The following ZNF765 variants were observed in gnomAD, a reference collection of about 807,000 sequenced individuals.
ZNF765 encodes the protein zinc finger protein 765.
In ZNF765, 37 loss-of-function variants were observed where a neutral mutation model predicts 44.7. That is an observed-to-expected ratio of 0.83 (90% CI 0.64 to 1.09). The LOEUF (loss-of-function observed/expected upper bound fraction) is 1.09. ZNF765 is among the 50% of genes least tolerant of loss of function. The pLI, the probability that ZNF765 is intolerant of heterozygous loss-of-function variation, is 0.00. For missense variants in ZNF765, 594 were observed against 626.1 expected, an observed-to-expected ratio of 0.95 and a Z score of 0.55; for synonymous variants, 201 against 213.7, an observed-to-expected ratio of 0.94 and a Z score of 0.52.
chr19:53,399,248 C>T lies in ZNF765; in HGVS notation c.15+1218C>T, dbSNP rs958180688. Among the ~76,000 whole-genome samples, 79 of 133,948 alleles carry T rather than the reference C, an allele frequency of 5.9e-4. 1 individual carries two copies. The highest frequency in any genetic ancestry group is 7.5e-4 in the Non-Finnish European group (48 of 63,998). The allele number at this position is 133,948 out of a possible 152,430, so 87.9% of individuals were successfully genotyped here. A position where few individuals can be genotyped will look rare whatever the true frequency, so the allele number is the denominator to read the frequency against. On this transcript the variant is annotated intron_variant, in intron 2 of 3. Transcript: ENST00000396408. Reference sequence around the variant, plus strand: ...TATCCCTCCCCCCTCCCCCACCCCACAACAGTCCCCAAAATATATATTTTT... The same window carrying T: ...TATCCCTCCCCCCTCCCCCACCCCATAACAGTCCCCAAAATATATATTTTT...
downstream of ZNF765, among the ~76,000 whole-genome samples, chr19:53,415,817 A>G (rs1021378999): frequency 7.9e-5 from 12 of 152,184 alleles, no homozygotes; most frequent in Admixed American, 1.3e-4. Context: ...TTTTCAAAAT[A>G]CAGCATGTGA....
Position 53,409,136 on chromosome 19 carries a change from G to T in ZNF765, c.*9G>T, listed in dbSNP as rs1568782232. 4 of 1,605,356 alleles carry T rather than the reference G, an allele frequency of 2.5e-6. No homozygotes were observed. In the South Asian group the frequency reaches 4.4e-5, roughly 18 times the overall value. ...AGAAACTACACGTGTAATGAGTGTGGTAAGACCTTCAATCAGGAGTTAACC... is the reference window on the plus strand; with the variant it reads ...AGAAACTACACGTGTAATGAGTGTGTTAAGACCTTCAATCAGGAGTTAACC... On this transcript the variant is annotated 3_prime_UTR_variant, in exon 4 of 4. Transcript: ENST00000396408.
chr19:53,407,604 A>C, intron 3 of ZNF765, 94 bp from the exon 4 acceptor site: 1 of 984,818 alleles, frequency 1.0e-6, no homozygotes, highest in Non-Finnish European at 1.4e-6. Flanking sequence ...GCAAAGTTTA[A>C]AATAAGTATT....
At position 53,401,048 on chromosome 19, in the gene ZNF765, TG is replaced by T. The variant is rs751327028; in HGVS notation, c.16-1016del. 3.3e-3 allele frequency among the ~76,000 whole-genome samples: 495 copies of T among 151,676 alleles called. 2 individuals are homozygous for T. The highest frequency in any genetic ancestry group is 6.0e-3 in the Non-Finnish European group (408 of 67,922). On this transcript the variant is annotated intron_variant, in intron 2 of 3. Coordinates refer to ENST00000396408, the MANE Select transcript of ZNF765 (RefSeq NM_001040185.3). ...GAGATGGAGTATCTGTTGCCCAGAC[TG>T]TAGTGCAGTGGTGCGATTTCGGATC...
chr19:53,402,934 C>T (rs1019271712), intron 3 of ZNF765, among the ~76,000 whole-genome samples: 3 of 151,956 alleles, frequency 2.0e-5, no homozygotes, highest in African/African-American at 7.3e-5. Flanking sequence ...CCCAGCACTT[C>T]GGGAGGCTGA....
rs574297149 is a variant in ZNF765 at position 53,398,640 on chromosome 19, A to G, written c.15+610A>G. Among the ~76,000 whole-genome samples the G allele has an allele frequency of 1.1e-4, 17 of 152,342 alleles. No individual in the cohort carries two copies. In the South Asian group the frequency reaches 2.5e-3, roughly 22 times the overall value. On this transcript the variant is annotated intron_variant, in intron 2 of 3. Transcript: ENST00000396408. The stretch of plus-strand genomic sequence containing the variant: ...TGAATAATAGCAGGAGATTCATTCA[A>G]CCATTCTTAGCACATTACGCTCATG...
intron 1 of ZNF765, among the ~76,000 whole-genome samples, chr19:53,395,593 G>C (rs1233445727): frequency 2.0e-5 from 3 of 152,236 alleles, no homozygotes; most frequent in Non-Finnish European, 2.9e-5. Flanking sequence ...CGCGTCCTCT[G>C]TCTGGTCCTG....
In ZNF765 at chr19:53,409,348, T is replaced by C; in HGVS notation, c.*221T>C. The C allele has an allele frequency of 4.8e-6, 4 of 841,944 alleles. No individual in the cohort carries two copies. Among genetic ancestry groups the C allele is most frequent in the South Asian group, 4.1e-5 (3 of 72,904 alleles). The allele number at this position is 841,944 out of a possible 1,614,324, so 52.2% of individuals were successfully genotyped here. A position where few individuals can be genotyped will look rare whatever the true frequency, so the allele number is the denominator to read the frequency against. On this transcript the variant is annotated 3_prime_UTR_variant, in exon 4 of 4. Coordinates refer to ENST00000396408, the MANE Select transcript of ZNF765 (RefSeq NM_001040185.3). ...TCATCTTTTGTGTACCATCATAAAC[T>C]TCATAGTGGAGAGACCTTACAAATG...
intron 2 of ZNF765, chr19:53,401,846 A>G: frequency 3.2e-6 from 4 of 1,254,532 alleles, no homozygotes; most frequent in South Asian, 1.2e-5. Context: ...ATTGCACTCC[A>G]GGCTGGGCAA....
rs1335737697 is a variant in ZNF765, at chr19:53,408,859, A to G, written c.1304A>G (p.Glu435Gly). The change falls in exon 4 of 4, where the codon GAG becomes GGG. Residue 435 changes from glutamate (E) to glycine (G), a missense_variant. Transcript: ENST00000396408. ...AACATTTGTAGACTTCATAGTGGAG[A>G]GAAACCTTACAAATGTGAAGAATGT... ...TLNICRLHSG[E>G]KPYKCEECDK... 1 of 1,614,024 alleles carries G rather than the reference A, an allele frequency of 6.2e-7. No homozygotes were observed.
intron 2 of ZNF765, 174 bp from the exon 3 acceptor site, chr19:53,401,888 AAAG>A: frequency 6.5e-7 from 1 of 1,539,424 alleles, no homozygotes; most frequent in African/African-American, 1.4e-5. Flanking sequence ...AAAAAAAAAA[AAAG>A]AACTTTAGTA....
At chr19:53,417,212 G>A (rs1448043357) in intron 3 of ZNF765, among the ~76,000 whole-genome samples, 1 of 152,168 alleles carries the variant, frequency 6.6e-6, no homozygotes, top group Non-Finnish European at 1.5e-5. Flanking sequence ...TTGTTGTACA[G>A]ATCACTTCAT....
At chr19:53,405,098 T>G (rs1435284384) in intron 3 of ZNF765, among the ~76,000 whole-genome samples, 1 of 152,082 alleles carries the variant, frequency 6.6e-6, no homozygotes. Context: ...AAGCCAGTTA[T>G]CCCAGCACTT....
At chr19:53,399,889 A>G (rs937894133) in intron 2 of ZNF765, among the ~76,000 whole-genome samples, 4 of 152,116 alleles carry the variant, frequency 2.6e-5, no homozygotes, top group African/African-American at 9.7e-5. Context: ...ATCTCAACTC[A>G]CTGCAACCTC....
At chr19:53,421,012 CTG>C (rs2085903648) in intron 3 of ZNF765, among the ~76,000 whole-genome samples, 1 of 152,192 alleles carries the variant, frequency 6.6e-6, no homozygotes, top group African/African-American at 2.4e-5. Flanking sequence ...AGGAAGGCAT[CTG>C]TCTCCAGCTC....
At chr19:53,415,956 T>TG (rs2085872434), downstream of ZNF765, among the ~76,000 whole-genome samples, 2 of 104,166 alleles carry the variant, frequency 1.9e-5, no homozygotes, top group African/African-American at 3.0e-5. Flanking sequence ...TTGTTTTGTT[T>TG]TTTGTTTTTT....
chr19:53,407,255 G>T (rs2085784046), intron 3 of ZNF765, among the ~76,000 whole-genome samples: 1 of 152,072 alleles, frequency 6.6e-6, no homozygotes, highest in African/African-American at 2.4e-5. Flanking sequence ...CATTGATTTT[G>T]GTTATCCTTA....
At chr19:53,395,284 A>G (rs2085655631) in intron 1 of ZNF765, 91 bp downstream of exon 1, 1 of 152,174 alleles carries the variant, frequency 6.6e-6, no homozygotes, top group Non-Finnish European at 1.5e-5. Flanking sequence ...TAACCTGGAA[A>G]TTCTCAGCCG....
At chr19:53,399,402 T>C (rs1294465135) in intron 2 of ZNF765, among the ~76,000 whole-genome samples, 8 of 151,984 alleles carry the variant, frequency 5.3e-5, no homozygotes, top group Non-Finnish European at 8.8e-5. Context: ...CCAAACTCAC[T>C]GGGGAGTCAC....
Sources: gnomAD v4.1 joint callset for allele counts (sites outside exome capture counted in the v4.1 genomes callset) on GRCh38, gnomAD v4.1.1 for gene constraint, MANE v1.5 for transcripts, NCBI Gene and HGNC (gene_info 2026-07-23, HGNC 2026-07-21) for gene names.